Variants in CSMD1 observed in about 807,000 individuals in gnomAD.
CSMD1 encodes the protein CUB and Sushi multiple domains 1, also known as CUB and sushi domain-containing protein 1.
In CSMD1, 213 loss-of-function variants were observed where a neutral mutation model predicts 417.5. The ratio of observed to expected loss-of-function variants is 0.51; its 90% CI spans 0.46 to 0.57. CSMD1 has a LOEUF of 0.57. Among genes scored for constraint, CSMD1 ranks in the 20% least tolerant of loss-of-function variants. CSMD1 has a pLI of 0.00. For synonymous variants in CSMD1, 2,862 were observed against 1,736.8 expected, an observed-to-expected ratio of 1.65 and a Z score of -16.11; for missense variants, 6,923 against 4,529.7, an observed-to-expected ratio of 1.53 and a Z score of -15.17.
chr8:3,906,293 GAA>G (rs67199666), intron 5 of CSMD1, among the ~76,000 whole-genome samples: 1 of 150,062 alleles, frequency 6.7e-6, no homozygotes, highest in African/African-American at 2.5e-5. Flanking sequence ...TTGTCATAGG[GAA>G]AAAAAAAACC....
chr8:3,648,771 G>A (rs1483256435), intron 7 of CSMD1, among the ~76,000 whole-genome samples: 1 of 152,104 alleles, frequency 6.6e-6, no homozygotes, highest in East Asian at 1.9e-4. Flanking sequence ...TAAGCAGTAT[G>A]CATTGTATTT....
intron 4 of CSMD1, among the ~76,000 whole-genome samples, chr8:4,011,523 G>A (rs969940279): frequency 3.3e-5 from 5 of 152,086 alleles, no homozygotes; most frequent in East Asian, 1.9e-4. Context: ...ACCCTCCTGG[G>A]TTTCCTGCAG....
intron 3 of CSMD1, among the ~76,000 whole-genome samples, chr8:4,344,449 A>C (rs769069824): frequency 6.6e-6 from 1 of 152,002 alleles, no homozygotes; most frequent in African/African-American, 2.4e-5. Context: ...AACTGCTCAA[A>C]GATGCATTCT....
intron 5 of CSMD1, among the ~76,000 whole-genome samples, chr8:3,821,007 C>G (rs532121714): frequency 3.3e-5 from 5 of 152,076 alleles, no homozygotes; most frequent in Non-Finnish European, 7.3e-5. Flanking sequence ...ACCTCCACAT[C>G]CCGGGTTCAA....
intron 26 of CSMD1, among the ~76,000 whole-genome samples, chr8:3,261,988 C>T (rs7834065): frequency 0.012 from 1,874 of 151,644 alleles, 36 homozygotes; most frequent in African/African-American, 0.043. Flanking sequence ...CAGGATGTTA[C>T]TCTTGGGGGA....
intron 3 of CSMD1, among the ~76,000 whole-genome samples, chr8:4,394,347 G>C (rs1385162264): frequency 2.0e-5 from 3 of 152,084 alleles, no homozygotes; most frequent in Non-Finnish European, 4.4e-5. Flanking sequence ...TTATTCTCTT[G>C]GGTTCTAAAT....
chr8:4,484,373 A>C (rs1030496051), intron 2 of CSMD1, among the ~76,000 whole-genome samples: 1 of 152,148 alleles, frequency 6.6e-6, no homozygotes. Flanking sequence ...GTTTACTTAC[A>C]TTATGAACAC....
chr8:4,374,045 A>C (rs1399587149), intron 3 of CSMD1, among the ~76,000 whole-genome samples: 7 of 152,198 alleles, frequency 4.6e-5, no homozygotes, highest in Admixed American at 4.6e-4. Flanking sequence ...TACGTGATCA[A>C]ATTGAACTTA....
intron 3 of CSMD1, among the ~76,000 whole-genome samples, chr8:4,135,712 A>C (rs1421760147): frequency 1.3e-5 from 2 of 152,182 alleles, no homozygotes; most frequent in African/African-American, 4.8e-5. Context: ...TATTGTAATA[A>C]TATAATTCAG....
chr8:3,137,664 T>G (rs182800918), intron 41 of CSMD1, among the ~76,000 whole-genome samples: 22 of 152,342 alleles, frequency 1.4e-4, no homozygotes, highest in Admixed American at 3.9e-4. Flanking sequence ...ATCTCTAAAT[T>G]TCTTATAATA....
At chr8:3,212,732 T>C (rs1797685832) in intron 30 of CSMD1, among the ~76,000 whole-genome samples, 1 of 152,246 alleles carries the variant, frequency 6.6e-6, no homozygotes, top group South Asian at 2.1e-4. Flanking sequence ...TTCAGGATCA[T>C]AAGAGAATGG....
chr8:4,460,486 C>G (rs1159915588), intron 2 of CSMD1, among the ~76,000 whole-genome samples: 2 of 151,880 alleles, frequency 1.3e-5, no homozygotes, highest in Non-Finnish European at 2.9e-5. Flanking sequence ...TGAGAATAAT[C>G]AAGTATACAA....
At chr8:3,734,502 G>A (rs1452870399) in intron 6 of CSMD1, among the ~76,000 whole-genome samples, 1 of 152,180 alleles carries the variant, frequency 6.6e-6, no homozygotes, top group Non-Finnish European at 1.5e-5. Flanking sequence ...CTTGACGTCA[G>A]GAGTTCAAGA....
intron 26 of CSMD1, among the ~76,000 whole-genome samples, chr8:3,272,432 A>G (rs1464550792): frequency 4.0e-5 from 6 of 150,758 alleles, no homozygotes; most frequent in African/African-American, 9.7e-5. Context: ...TTGGTTCCAT[A>G]TGAACTTTAA....
chr8:4,331,046 T>C (rs1799841925), intron 3 of CSMD1, among the ~76,000 whole-genome samples: 2 of 152,204 alleles, frequency 1.3e-5, no homozygotes. Flanking sequence ...GCAGATTCAA[T>C]AACTATTTCT....
chr8:4,149,855 G>T (rs1796476155), intron 3 of CSMD1, among the ~76,000 whole-genome samples: 1 of 152,140 alleles, frequency 6.6e-6, no homozygotes, highest in Non-Finnish European at 1.5e-5. Flanking sequence ...TAAATTAAAT[G>T]CATAATGATT....
chr8:4,944,222 C>G (rs778149093), intron 1 of CSMD1, among the ~76,000 whole-genome samples: 1 of 152,050 alleles, frequency 6.6e-6, no homozygotes, highest in Non-Finnish European at 1.5e-5. Context: ...TAATTAAAGA[C>G]CAAAAGATGA....
chr8:4,758,414 T>C (rs2117082569), intron 1 of CSMD1, among the ~76,000 whole-genome samples: 2 of 152,190 alleles, frequency 1.3e-5, no homozygotes, highest in South Asian at 2.1e-4. Flanking sequence ...CCATAGATTG[T>C]AGAACACAAA....
chr8:3,429,443 T>C lies in CSMD1; in HGVS notation c.1562-19838A>G, dbSNP rs146786358. 7.8e-4 allele frequency among the ~76,000 whole-genome samples: 119 copies of C among 152,282 alleles called. 3 individuals are homozygous for C. The Middle Eastern group carries it at 0.01, about 13-fold the overall frequency. On this transcript the variant is annotated intron_variant, in intron 12 of 69. Transcript: ENST00000635120. ...AGTGACCCAAGGGAAATGGAAGCCA[T>C]GTCCAAAGCAACACTTGTACACAGA...
Sources: allele counts gnomAD v4.1 joint callset (sites outside exome capture counted in the v4.1 genomes callset), GRCh38; gene constraint gnomAD v4.1.1; transcripts MANE v1.5; gene names NCBI Gene and HGNC (gene_info 2026-07-23, HGNC 2026-07-21).